Variants in MAGI3 observed in about 807,000 individuals in gnomAD.
MAGI3 encodes membrane-associated guanylate kinase, WW and PDZ domain-containing protein 3.
MAGI3 carries 43 observed loss-of-function variants against 121.8 expected under a neutral mutation model. That is an observed-to-expected ratio of 0.35 (90% confidence interval 0.28 to 0.46). The LOEUF (loss-of-function observed/expected upper bound fraction) is 0.46, where lower values mean the gene tolerates loss of function less well. Among genes scored for constraint, MAGI3 ranks in the 20% least tolerant of loss-of-function variants. The pLI is 1.00. For missense variants in MAGI3, 1,547 were observed against 1,797.3 expected, an observed-to-expected ratio of 0.86 and a Z score of 2.52; for synonymous variants, 553 against 639.3, an observed-to-expected ratio of 0.86 and a Z score of 2.04.
intron 7 of MAGI3, among the ~76,000 whole-genome samples, chr1:113,615,125 A>G (rs1378420215): frequency 6.6e-6 from 1 of 152,200 alleles, no homozygotes; most frequent in Non-Finnish European, 1.5e-5. Flanking sequence ...AGGAAAACTT[A>G]GTATTCTTTT....
At chr1:113,414,122 T>A (rs1024467199) in intron 1 of MAGI3, among the ~76,000 whole-genome samples, 11 of 152,224 alleles carry the variant, frequency 7.2e-5, no homozygotes, top group Non-Finnish European at 1.5e-4. Context: ...CTTTTCTGCA[T>A]CTATTGAGAT....
chr1:113,432,025 A>G (rs1224064216), intron 1 of MAGI3, among the ~76,000 whole-genome samples: 2 of 152,200 alleles, frequency 1.3e-5, no homozygotes, highest in African/African-American at 4.8e-5. Context: ...GAAGCAGAAT[A>G]TAGGCACAGA....
intron 2 of MAGI3, among the ~76,000 whole-genome samples, chr1:113,578,222 G>A (rs530948760): frequency 6.6e-6 from 1 of 152,132 alleles, no homozygotes; most frequent in African/African-American, 2.4e-5. Context: ...GGGTGAATAT[G>A]GAAGTCTAGA....
At chr1:113,619,866 A>C (rs1204428286) in intron 8 of MAGI3, 36 bp downstream of exon 8, 1 of 1,468,158 alleles carries the variant, frequency 6.8e-7, no homozygotes, top group Non-Finnish European at 9.5e-7. Context: ...TCTAAGAATA[A>C]CTTGTGAAAT....
intron 16 of MAGI3, among the ~76,000 whole-genome samples, chr1:113,664,841 T>C (rs540120290): frequency 6.6e-6 from 1 of 152,330 alleles, no homozygotes; most frequent in South Asian, 2.1e-4. Context: ...CTTGTGGGAT[T>C]TCTGTGTTGT....
chr1:113,626,569 A>C (rs1216070330), intron 9 of MAGI3, among the ~76,000 whole-genome samples: 1 of 152,202 alleles, frequency 6.6e-6, no homozygotes, highest in Non-Finnish European at 1.5e-5. Flanking sequence ...ATTCAGCAGT[A>C]AAGCCATCAG....
chr1:113,611,688 A>G (rs1202893598), intron 6 of MAGI3, among the ~76,000 whole-genome samples: 1 of 152,156 alleles, frequency 6.6e-6, no homozygotes, highest in African/African-American at 2.4e-5. Flanking sequence ...TTTTTCAAAT[A>G]TAAATTAAAT....
At chr1:113,530,157 C>A (rs184145660) in intron 1 of MAGI3, among the ~76,000 whole-genome samples, 127 of 152,160 alleles carry the variant, frequency 8.3e-4, no homozygotes, top group East Asian at 3.1e-3. Flanking sequence ...TCCATTTCCT[C>A]ACATTTTATT....
chr1:113,617,933 TA>T (rs1650576539), intron 7 of MAGI3, among the ~76,000 whole-genome samples: 1 of 152,216 alleles, frequency 6.6e-6, no homozygotes, highest in African/African-American at 2.4e-5. Flanking sequence ...CAGTGGCACT[TA>T]CCATATTTAG....
At chr1:113,490,204 T>C (rs1216058762) in intron 1 of MAGI3, among the ~76,000 whole-genome samples, 1 of 152,154 alleles carries the variant, frequency 6.6e-6, no homozygotes, top group African/African-American at 2.4e-5. Context: ...GCAGAAACCT[T>C]ATAAGCCAGA....
chr1:113,391,283 A>C lies in MAGI3; in HGVS notation c.250A>C (p.Asn84His). 1.3e-6 allele frequency: 2 copies of C among 1,592,750 alleles called. No homozygotes were observed. The highest frequency in any genetic ancestry group is 1.7e-6 in the Non-Finnish European group (2 of 1,170,668). Residue 84 changes from asparagine to histidine, a missense_variant, in exon 1 of 21, where the codon AAC becomes CAC. Asn to His is a moderately conservative substitution (Grantham distance 68). Coordinates refer to ENST00000307546, the MANE Select transcript of MAGI3 (RefSeq NM_001142782.2). This position sits in a 1 kb window ranked among gnomAD's most constrained non-coding sequence, Gnocchi z 4.4. ...VNGTPVSGLT[N>H]RDTLAVIRHF... ...CGGGACGCCTGTCAGCGGGCTCACC[A>C]ACCGGGACACCCTGGCTGTCATCCG...
Position 113,684,087 on chromosome 1 carries a change from T to C in MAGI3, c.*73T>C. On this transcript the variant is annotated 3_prime_UTR_variant, in exon 21 of 21. Coordinates refer to ENST00000307546, the MANE Select transcript of MAGI3 (RefSeq NM_001142782.2). Reference sequence around the variant, plus strand: ...CAGCATTTTTCCAGAAAAAGCCTTTTTTTTTTTTTCAGATATTCTGAAACA... The same window carrying C: ...CAGCATTTTTCCAGAAAAAGCCTTTCTTTTTTTTTCAGATATTCTGAAACA... 1 of 1,428,892 alleles carries C rather than the reference T, an allele frequency of 7.0e-7. No homozygotes were observed. Among genetic ancestry groups the C allele is most frequent in the Non-Finnish European group, 9.2e-7 (1 of 1,085,276 alleles). 88.5% of individuals were successfully genotyped at this position (1,428,892 alleles called of 1,614,324 possible). A position where few individuals can be genotyped will look rare whatever the true frequency, so the allele number is the denominator to read the frequency against.
At chr1:113,578,254 A>C (rs1647781359) in intron 2 of MAGI3, among the ~76,000 whole-genome samples, 1 of 152,184 alleles carries the variant, frequency 6.6e-6, no homozygotes, top group African/African-American at 2.4e-5. Context: ...GGACAACATC[A>C]CAGCCTTTAC....
At chr1:113,652,428 T>G (rs1365098951) in intron 14 of MAGI3, among the ~76,000 whole-genome samples, 3 of 152,210 alleles carry the variant, frequency 2.0e-5, no homozygotes, top group Non-Finnish European at 2.9e-5. Context: ...ATTGCAACAT[T>G]CAAAGTAAAG....
At chr1:113,632,776 A>G (rs573639411) in intron 9 of MAGI3, among the ~76,000 whole-genome samples, 88 of 152,330 alleles carry the variant, frequency 5.8e-4, no homozygotes, top group Middle Eastern at 3.4e-3. Flanking sequence ...AAAAAGAAGG[A>G]TACTACAAGA....
chr1:113,563,261 A>T (rs954477861), intron 2 of MAGI3, among the ~76,000 whole-genome samples: 2 of 152,234 alleles, frequency 1.3e-5, no homozygotes, highest in Admixed American at 6.5e-5. Context: ...ACTCCCATTT[A>T]TGACAGAATC....
intron 4 of MAGI3, 112 bp downstream of exon 4, chr1:113,585,708 A>C (rs1043258361): frequency 1.1e-6 from 1 of 893,512 alleles, no homozygotes; most frequent in African/African-American, 1.7e-5. Flanking sequence ...AAGTGATGGG[A>C]TTTTAATTTT....
At chr1:113,519,346 G>A (rs900035112) in intron 1 of MAGI3, among the ~76,000 whole-genome samples, 9 of 152,144 alleles carry the variant, frequency 5.9e-5, no homozygotes, top group East Asian at 5.8e-4. Context: ...CTACTGGATA[G>A]AAGTAATTAT....
intron 1 of MAGI3, chr1:113,450,616 A>G (rs1188288718): frequency 1.2e-5 from 13 of 1,083,348 alleles, no homozygotes; most frequent in South Asian, 2.5e-5. Context: ...GACAACAGCA[A>G]TCAAATTATG....
Sources: gnomAD v4.1 joint callset for allele counts (sites outside exome capture counted in the v4.1 genomes callset) on GRCh38, gnomAD v4.1.1 for gene constraint, Gnocchi (gnomAD v3.1) non-coding constraint, MANE v1.5 for transcripts, NCBI Gene and HGNC (gene_info 2026-07-23, HGNC 2026-07-21) for gene names.